The following RALGPS1 variants were observed in gnomAD, a reference collection of about 807,000 sequenced individuals.
RALGPS1 encodes Ral GEF with PH domain and SH3 binding motif 1.
In RALGPS1, 19 loss-of-function variants were observed where a neutral mutation model predicts 78.8. The observed-to-expected ratio is 0.24, with a 90% CI of 0.17 to 0.35. The LOEUF (loss-of-function observed/expected upper bound fraction) is 0.35. RALGPS1 is among the 10% of genes least tolerant of loss of function. The pLI is 1.00. For synonymous variants in RALGPS1, 228 were observed against 256.3 expected, an observed-to-expected ratio of 0.89 and a Z score of 1.06; for missense variants, 454 against 688.3, an observed-to-expected ratio of 0.66 and a Z score of 3.81.
In RALGPS1 at chr9:127,137,216, G is replaced by A. The variant is rs116656184; in HGVS notation, c.611-28853G>A. Reference sequence around the variant, plus strand: ...CATGCAACCCAGCTACCCCAGCCACGGCCTCAGACTAGTGTCCCACCCGGG... The same window carrying A: ...CATGCAACCCAGCTACCCCAGCCACAGCCTCAGACTAGTGTCCCACCCGGG... On this transcript the variant is annotated intron_variant, in intron 8 of 18. Coordinates refer to ENST00000259351, the MANE Select transcript of RALGPS1 (RefSeq NM_014636.3). 3.8e-3 allele frequency among the ~76,000 whole-genome samples: 577 copies of A among 152,244 alleles called. 3 individuals are homozygous for A. Among genetic ancestry groups the A allele is most frequent in the African/African-American group, 0.013 (544 of 41,544 alleles).
chr9:127,085,877 A>T (rs2136240658), intron 8 of RALGPS1, among the ~76,000 whole-genome samples: 1 of 152,206 alleles, frequency 6.6e-6, no homozygotes, highest in Non-Finnish European at 1.5e-5. Flanking sequence ...AGATTAAGAT[A>T]TTTTCCTCAA....
chr9:127,050,391 C>T (rs1014311198), intron 6 of RALGPS1, among the ~76,000 whole-genome samples: 3 of 152,222 alleles, frequency 2.0e-5, no homozygotes, highest in Non-Finnish European at 4.4e-5. Flanking sequence ...AGCCATTCTC[C>T]TTACCTGGGC....
intron 1 of RALGPS1, among the ~76,000 whole-genome samples, chr9:126,946,322 T>A (rs1265608091): frequency 6.6e-6 from 1 of 152,074 alleles, no homozygotes; most frequent in Non-Finnish European, 1.5e-5. Context: ...TCACCTGAGG[T>A]CAGGAGTTCG....
intron 4 of RALGPS1, among the ~76,000 whole-genome samples, chr9:126,986,785 G>C (rs1473651354): frequency 6.6e-6 from 1 of 152,220 alleles, no homozygotes; most frequent in Non-Finnish European, 1.5e-5. Context: ...CACACAGCTT[G>C]AAGAGCATGA....
chr9:127,096,693 T>A (rs2053177574), intron 8 of RALGPS1, among the ~76,000 whole-genome samples: 1 of 152,228 alleles, frequency 6.6e-6, no homozygotes, highest in African/African-American at 2.4e-5. Context: ...AATTTGGGGA[T>A]GGTTCTAGAT....
At chr9:127,191,181 G>A (rs978176989) in intron 11 of RALGPS1, among the ~76,000 whole-genome samples, 1 of 152,040 alleles carries the variant, frequency 6.6e-6, no homozygotes, top group Admixed American at 6.6e-5. Flanking sequence ...ACTGTGATTC[G>A]CCTTTTAACA....
intron 8 of RALGPS1, chr9:127,069,627 T>G (rs1412705927): frequency 8.6e-6 from 3 of 348,924 alleles, no homozygotes; most frequent in African/African-American, 2.1e-5. Context: ...TGGGTCACAA[T>G]GAGAGTGATA....
chr9:126,957,811 A>G (rs1454316506), intron 1 of RALGPS1, among the ~76,000 whole-genome samples: 1 of 151,888 alleles, frequency 6.6e-6, no homozygotes, highest in Non-Finnish European at 1.5e-5. Context: ...TCTCTTCTGC[A>G]CTAGACATTC....
Position 127,183,716 on chromosome 9 carries a change from TC to T in RALGPS1, c.910+8936del. The T allele has an allele frequency of 1.5e-6, 1 of 680,122 alleles. No homozygotes were observed. The highest frequency in any genetic ancestry group is 2.4e-6 in the Non-Finnish European group (1 of 411,516). 42.1% of individuals were successfully genotyped at this position (680,122 alleles called of 1,614,324 possible). A position where few individuals can be genotyped will look rare whatever the true frequency, so the allele number is the denominator to read the frequency against. On this transcript the variant is annotated intron_variant, in intron 11 of 18. Transcript: ENST00000259351. The surrounding 1 kb of genome is among the most constrained non-coding windows in gnomAD (Gnocchi z 4.0). ...CCAGGGGCAAGCTGTAGGCCCTCTC[TC>T]CATGTGCTCCTCTCTCTGGAAACAT...
chr9:126,929,146 C>G (rs2035574341), intron 1 of RALGPS1, among the ~76,000 whole-genome samples: 1 of 152,144 alleles, frequency 6.6e-6, no homozygotes, highest in South Asian at 2.1e-4. Context: ...CAAAGCCTAC[C>G]TGTATAATAA....
intron 8 of RALGPS1, among the ~76,000 whole-genome samples, chr9:127,155,871 TAGAA>T (rs1292472400): frequency 6.7e-6 from 1 of 148,416 alleles, no homozygotes; most frequent in African/African-American, 2.5e-5. Flanking sequence ...GCTTCTTTAA[TAGAA>T]AGAGAAAGAA....
At chr9:127,043,434 TTA>T (rs1564471162) in intron 5 of RALGPS1, among the ~76,000 whole-genome samples, 1 of 150,976 alleles carries the variant, frequency 6.6e-6, no homozygotes, top group African/African-American at 2.4e-5. Flanking sequence ...GACACAGACC[TTA>T]GACCTTTCCT....
intron 5 of RALGPS1, among the ~76,000 whole-genome samples, chr9:127,048,889 T>G (rs2048049293): frequency 6.6e-6 from 1 of 152,214 alleles, no homozygotes; most frequent in Non-Finnish European, 1.5e-5. Flanking sequence ...CACAGATAAT[T>G]ACACTGAGAA....
intron 8 of RALGPS1, among the ~76,000 whole-genome samples, chr9:127,084,932 CAG>C (rs1222679944): frequency 6.6e-6 from 1 of 152,180 alleles, no homozygotes; most frequent in Non-Finnish European, 1.5e-5. Context: ...TTACTATAAC[CAG>C]AGTCTTGACA....
chr9:127,015,689 G>T (rs898521031), intron 4 of RALGPS1, among the ~76,000 whole-genome samples: 6 of 152,156 alleles, frequency 3.9e-5, no homozygotes, highest in Non-Finnish European at 8.8e-5. Context: ...TCATCTGGTT[G>T]TGTCTGCTCC....
intron 13 of RALGPS1, among the ~76,000 whole-genome samples, chr9:127,197,588 C>T (rs1416973928): frequency 6.6e-6 from 1 of 152,170 alleles, no homozygotes; most frequent in Non-Finnish European, 1.5e-5. Flanking sequence ...AGGGCATGGG[C>T]AATATCAGTC....
At chr9:127,121,347 A>G (rs781587353) in intron 8 of RALGPS1, among the ~76,000 whole-genome samples, 1 of 152,248 alleles carries the variant, frequency 6.6e-6, no homozygotes, top group Non-Finnish European at 1.5e-5. Context: ...AAGCCAGCTC[A>G]TGAGGACTGC....
intron 11 of RALGPS1, among the ~76,000 whole-genome samples, chr9:127,185,405 C>T (rs1432693099): frequency 2.0e-5 from 3 of 152,214 alleles, no homozygotes; most frequent in Non-Finnish European, 2.9e-5. Context: ...CTCCAGGGGT[C>T]CCCTCTGTGT....
intron 4 of RALGPS1, among the ~76,000 whole-genome samples, chr9:127,030,309 C>G (rs2046319325): frequency 6.6e-6 from 1 of 152,032 alleles, no homozygotes; most frequent in African/African-American, 2.4e-5. Context: ...TAGAAGATGA[C>G]CTTGGACAAG....
Sources: gnomAD v4.1 joint callset for allele counts (sites outside exome capture counted in the v4.1 genomes callset) on GRCh38, gnomAD v4.1.1 for gene constraint, Gnocchi (gnomAD v3.1) non-coding constraint, MANE v1.5 for transcripts, NCBI Gene and HGNC (gene_info 2026-07-23, HGNC 2026-07-21) for gene names.